Variants in RGS7 observed in about 807,000 individuals in gnomAD.
RGS7 encodes regulator of G-protein signaling 7.
A neutral mutation model predicts 81.1 loss-of-function variants in RGS7; 27 were observed. The observed-to-expected ratio is 0.33, with a 90% CI of 0.25 to 0.46. RGS7 has a LOEUF of 0.46. RGS7 is among the 20% of genes least tolerant of loss of function. The pLI, the probability that RGS7 is intolerant of heterozygous loss-of-function variation, is 1.00. For missense variants in RGS7, 396 were observed against 607.4 expected, an observed-to-expected ratio of 0.65 and a Z score of 3.66; for synonymous variants, 208 against 207.7, an observed-to-expected ratio of 1.00 and a Z score of -0.01.
intron 2 of RGS7, among the ~76,000 whole-genome samples, chr1:241,346,465 GCAACA>G (rs1270080925): frequency 6.6e-6 from 1 of 152,202 alleles, no homozygotes; most frequent in Non-Finnish European, 1.5e-5. Flanking sequence ...TATCTAGAGA[GCAACA>G]CAGTAAAGAG....
At chr1:241,192,159 GGTGTGTGTGTGT>G (rs58714151) in intron 2 of RGS7, among the ~76,000 whole-genome samples, 12,358 of 121,916 alleles carry the variant, frequency 0.1, 746 homozygotes, top group South Asian at 0.23. Context: ...AGAGAAAACA[GGTGTGTGTGTGT>G]GTGTGTGTGT....
chr1:241,058,355 G>A (rs529919842), intron 3 of RGS7, among the ~76,000 whole-genome samples: 26 of 152,326 alleles, frequency 1.7e-4, no homozygotes, highest in Admixed American at 1.0e-3. Context: ...GAAGAAGCAA[G>A]GGAAAAGGGA....
intron 4 of RGS7, among the ~76,000 whole-genome samples, chr1:240,971,379 A>G (rs1683185595): frequency 6.6e-6 from 1 of 152,242 alleles, no homozygotes; most frequent in Non-Finnish European, 1.5e-5. Context: ...CCAACAGAAT[A>G]TAGGCAAAAA....
At chr1:240,843,959 G>T (rs12046405) in intron 9 of RGS7, among the ~76,000 whole-genome samples, 1 of 151,624 alleles carries the variant, frequency 6.6e-6, no homozygotes, top group Admixed American at 6.6e-5. Context: ...TGCTGGTCCC[G>T]TCAGGGTTCT....
intron 4 of RGS7, among the ~76,000 whole-genome samples, chr1:240,938,888 C>T (rs1273265536): frequency 6.6e-6 from 1 of 151,678 alleles, no homozygotes; most frequent in African/African-American, 2.4e-5. Context: ...AAAGTCAAGG[C>T]CTTCTCAAAG....
At chr1:241,138,630 G>A (rs765774697) in intron 2 of RGS7, among the ~76,000 whole-genome samples, 66 of 152,074 alleles carry the variant, frequency 4.3e-4, no homozygotes, top group African/African-American at 1.5e-3. Flanking sequence ...TTGCGTAGCC[G>A]GTGCCTCCTC....
At chr1:241,325,398 T>A (rs982096949) in intron 2 of RGS7, among the ~76,000 whole-genome samples, 7 of 152,166 alleles carry the variant, frequency 4.6e-5, no homozygotes, top group African/African-American at 1.7e-4. Context: ...AATCTGCAGT[T>A]TGGCTCTCCA....
intron 9 of RGS7, among the ~76,000 whole-genome samples, chr1:240,863,578 C>A (rs1207702992): frequency 6.6e-6 from 1 of 152,144 alleles, no homozygotes; most frequent in Non-Finnish European, 1.5e-5. Flanking sequence ...GAAGATAGGA[C>A]TTATCAGGCA....
At chr1:241,113,493 T>C (rs4288581) in intron 2 of RGS7, among the ~76,000 whole-genome samples, 14,665 of 152,200 alleles carry the variant, frequency 0.096, 1,111 homozygotes, top group East Asian at 0.35. Flanking sequence ...GCTGGAATAA[T>C]GAAAAACAAT....
chr1:241,293,285 A>G (rs1021292873), intron 2 of RGS7, among the ~76,000 whole-genome samples: 1 of 152,264 alleles, frequency 6.6e-6, no homozygotes, highest in Non-Finnish European at 1.5e-5. Flanking sequence ...CATAATACTT[A>G]CTAATGATAA....
chr1:240,887,843 C>T (rs1667643149), intron 6 of RGS7, among the ~76,000 whole-genome samples: 1 of 151,860 alleles, frequency 6.6e-6, no homozygotes, highest in African/African-American at 2.4e-5. Context: ...TTTCTGTTCC[C>T]TCATTCCTTT....
chr1:240,905,893 C>T (rs1670741130), intron 6 of RGS7, among the ~76,000 whole-genome samples: 1 of 152,114 alleles, frequency 6.6e-6, no homozygotes, highest in South Asian at 2.1e-4. Flanking sequence ...AGATGCTCAA[C>T]AAGTATTTGT....
intron 9 of RGS7, among the ~76,000 whole-genome samples, chr1:240,859,645 G>T (rs776784892): frequency 9.9e-5 from 15 of 150,874 alleles, no homozygotes; most frequent in Non-Finnish European, 2.1e-4. Context: ...GACTTTACTG[G>T]TTTTTTCCAA....
intron 2 of RGS7, among the ~76,000 whole-genome samples, chr1:241,354,935 A>C (rs1282345277): frequency 6.6e-6 from 1 of 152,252 alleles, no homozygotes; most frequent in East Asian, 1.9e-4. Context: ...AACCAGAGTG[A>C]AGCTGCCTAA....
intron 2 of RGS7, among the ~76,000 whole-genome samples, chr1:241,121,300 C>T (rs2066237308): frequency 1.3e-5 from 2 of 152,176 alleles, no homozygotes; most frequent in South Asian, 4.1e-4. Context: ...TCCAAAAGAG[C>T]ATAGCTGCAG....
At chr1:241,166,734 T>C (rs1558148353) in intron 2 of RGS7, among the ~76,000 whole-genome samples, 1 of 152,234 alleles carries the variant, frequency 6.6e-6, no homozygotes, top group Non-Finnish European at 1.5e-5. Flanking sequence ...AAGCTTATGC[T>C]GACTATGCAG....
chr1:241,141,061 C>T (rs768484843), intron 2 of RGS7, among the ~76,000 whole-genome samples: 40 of 152,178 alleles, frequency 2.6e-4, no homozygotes, highest in Non-Finnish European at 5.0e-4. Flanking sequence ...TCCCTAAAGT[C>T]ATCTGAGCAG....
At chr1:241,005,858 A>G (rs2058667444) in intron 3 of RGS7, among the ~76,000 whole-genome samples, 2 of 152,124 alleles carry the variant, frequency 1.3e-5, no homozygotes, top group Non-Finnish European at 2.9e-5. Flanking sequence ...TTTGCTCAAC[A>G]TACTGCTTTT....
intron 2 of RGS7, among the ~76,000 whole-genome samples, chr1:241,177,094 C>G (rs1558157805): frequency 1.3e-5 from 2 of 152,274 alleles, no homozygotes; most frequent in South Asian, 4.1e-4. Flanking sequence ...GTGCCCTGCC[C>G]TCAAGAGTCT....
Sources: gnomAD v4.1 joint callset for allele counts (sites outside exome capture counted in the v4.1 genomes callset) on GRCh38, gnomAD v4.1.1 for gene constraint, MANE v1.5 for transcripts, NCBI Gene and HGNC (gene_info 2026-07-23, HGNC 2026-07-21) for gene names.